Variants in PABIR3 observed in about 807,000 individuals in gnomAD.
PABIR3 encodes PABIR family member 1.
In PABIR3, 20 loss-of-function variants were observed where a neutral mutation model predicts 23.1. The observed-to-expected ratio is 0.86, with a 90% CI of 0.61 to 1.26. The LOEUF (loss-of-function observed/expected upper bound fraction) is 1.26. Among genes scored for constraint, PABIR3 ranks in the 50% most tolerant of loss-of-function variants. PABIR3 has a pLI of 0.00. For synonymous variants in PABIR3, 69 were observed against 68.5 expected, an observed-to-expected ratio of 1.01 and a Z score of -0.04; for missense variants, 189 against 195.4, an observed-to-expected ratio of 0.97 and a Z score of 0.20.
intron 3 of PABIR3, among the ~76,000 whole-genome samples, chrX:134,828,047 C>CTCTCTCTCTCTCTATATATATATATA (rs1466733144): frequency 4.0e-5 from 2 of 49,409 alleles, no homozygotes; most frequent in African/African-American, 1.6e-4. Flanking sequence ...CTCTCTCTCT[C>CTCTCTCTCTCTCTATATATATATATA]TATATATATA....
chrX:134,829,500 C>T (rs1364342630), intron 4 of PABIR3, among the ~76,000 whole-genome samples: 1 of 111,186 alleles, frequency 9.0e-6, no homozygotes, highest in East Asian at 2.8e-4. Flanking sequence ...AGAAATACTG[C>T]ATACTCTTAT....
chrX:134,833,334 A>C (rs1336781416), intron 4 of PABIR3, among the ~76,000 whole-genome samples: 1 of 110,281 alleles, frequency 9.1e-6, no homozygotes, highest in East Asian at 2.8e-4. Flanking sequence ...CTTTTTACCC[A>C]AGTTTATGGG....
Position 134,801,012 on chromosome X carries a change from C to G in PABIR3, c.-97-3089C>G, listed in dbSNP as rs140700512. ...TATTAAACCACAAAGGACTGACTTTCAAAGCCAGGAATTGAACCCAGGCGC... is the reference window on the plus strand; with the variant it reads ...TATTAAACCACAAAGGACTGACTTTGAAAGCCAGGAATTGAACCCAGGCGC... On this transcript the variant is annotated intron_variant, in intron 1 of 4. Transcript: ENST00000414371. Among the ~76,000 whole-genome samples, 1,112 of 112,206 alleles carry G rather than the reference C, an allele frequency of 9.9e-3. 13 individuals are homozygous for G. The highest frequency in any genetic ancestry group is 0.034 in the African/African-American group (1,038 of 30,861).
intron 3 of PABIR3, among the ~76,000 whole-genome samples, chrX:134,821,074 A>ATGTG (rs200024478): frequency 2.6e-4 from 24 of 92,981 alleles, no homozygotes; most frequent in African/African-American, 1.0e-3. Flanking sequence ...TTTATATTAT[A>ATGTG]TGTGTGTGTG....
intron 4 of PABIR3, among the ~76,000 whole-genome samples, chrX:134,832,462 C>T (rs752862961): frequency 8.4e-5 from 7 of 83,508 alleles, no homozygotes; most frequent in African/African-American, 3.2e-4. Flanking sequence ...AGTACAGTGG[C>T]GCCATCTCAG....
At chrX:134,809,564 G>T in intron 2 of PABIR3, 5 of 752,993 alleles carry the variant, frequency 6.6e-6, no homozygotes, top group Non-Finnish European at 7.8e-6. Flanking sequence ...TCTGAAAAAT[G>T]CATTCACTAC....
intron 3 of PABIR3, among the ~76,000 whole-genome samples, chrX:134,828,010 GCTCTCTCTCTCTCT>G (rs1167724649): frequency 1.6e-5 from 1 of 61,296 alleles, no homozygotes; most frequent in African/African-American, 6.7e-5. Context: ...CTAGCTCAGT[GCTCTCTCTCTCTCT>G]CTCTCTCTCT....
At chrX:134,845,753 G>C (rs142244218) in intron 6 of PABIR3, among the ~76,000 whole-genome samples, 1 of 111,638 alleles carries the variant, frequency 9.0e-6, no homozygotes, top group African/African-American at 3.3e-5. Flanking sequence ...TTGAAAGTGG[G>C]GTTCAAAGTA....
chrX:134,807,398 C>T, intron 1 of PABIR3, 57 bp downstream of exon 1: 1 of 999,477 alleles, frequency 1.0e-6, no homozygotes, highest in South Asian at 4.0e-5. Context: ...CGGTTCGGAG[C>T]CAGTTCTGCC....
chrX:134,835,995 A>G (rs1054749557), intron 4 of PABIR3, among the ~76,000 whole-genome samples: 8 of 110,869 alleles, frequency 7.2e-5, no homozygotes, highest in Non-Finnish European at 1.5e-4. Context: ...CCACCACCAC[A>G]CCTGGCTAAC....
chrX:134,819,849 C>T (rs2081180372), intron 3 of PABIR3, among the ~76,000 whole-genome samples: 1 of 111,622 alleles, frequency 9.0e-6, no homozygotes, highest in African/African-American at 3.3e-5. Flanking sequence ...CACGCCACTG[C>T]ACTCCAACCT....
chrX:134,847,505 C>G, intron 7 of PABIR3, 30 bp downstream of exon 7: 1 of 1,018,554 alleles, frequency 9.8e-7, no homozygotes, highest in Non-Finnish European at 1.4e-6. Context: ...AAGTCTATGT[C>G]TCTTGAAATA....
At chrX:134,827,695 C>G (rs2081564005) in intron 3 of PABIR3, among the ~76,000 whole-genome samples, 1 of 111,104 alleles carries the variant, frequency 9.0e-6, no homozygotes, top group Non-Finnish European at 1.9e-5. Context: ...GTTGTACCCT[C>G]GCAGGTACTA....
chrX:134,809,637 C>T (rs2080516659), intron 2 of PABIR3: 2 of 740,856 alleles, frequency 2.7e-6, no homozygotes, highest in Admixed American at 1.8e-4. Context: ...TTGTAATTCA[C>T]AGTACCATAG....
intron 2 of PABIR3, among the ~76,000 whole-genome samples, chrX:134,814,243 G>A (rs574288177): frequency 9.0e-6 from 1 of 111,378 alleles, no homozygotes; most frequent in Admixed American, 9.6e-5. Flanking sequence ...TTCATTCTCC[G>A]TAGCATGATT....
At chrX:134,807,943 C>G (rs2080341272) in intron 2 of PABIR3, among the ~76,000 whole-genome samples, 1 of 111,106 alleles carries the variant, frequency 9.0e-6, no homozygotes, top group African/African-American at 3.3e-5. Flanking sequence ...GAACATCCTC[C>G]CCTGATAGTC....
intron 4 of PABIR3, among the ~76,000 whole-genome samples, chrX:134,837,270 C>T (rs906868376): frequency 1.8e-5 from 2 of 110,243 alleles, no homozygotes; most frequent in African/African-American, 6.6e-5. Context: ...CGCTTGAACC[C>T]GGGAACCAGA....
chrX:134,807,742 G>A (rs763606643), intron 2 of PABIR3, 34 bp downstream of exon 2: 3 of 1,129,624 alleles, frequency 2.7e-6, no homozygotes, highest in Admixed American at 4.9e-5. Flanking sequence ...GGAGGCAAGC[G>A]GTGGGGAGGA....
chrX:134,814,943 T>C, intron 3 of PABIR3, 94 bp downstream of exon 3: 2 of 664,728 alleles, frequency 3.0e-6, no homozygotes, highest in Non-Finnish European at 4.5e-6. Flanking sequence ...CAGGGAGGGC[T>C]TATTAAAACA....
Sources: allele counts gnomAD v4.1 joint callset (sites outside exome capture counted in the v4.1 genomes callset), GRCh38; gene constraint gnomAD v4.1.1; transcripts MANE v1.5; gene names NCBI Gene and HGNC (gene_info 2026-07-23, HGNC 2026-07-21).